Variants in NAV2 observed in about 807,000 individuals in gnomAD.
NAV2 encodes helicase, APC down-regulated 1.
Under a neutral mutation model 223.2 loss-of-function variants are expected in NAV2, and 54 were observed. The observed-to-expected ratio is 0.24, with a 90% CI of 0.19 to 0.30. NAV2 has a LOEUF of 0.30. Ranked by LOEUF, NAV2 falls within the 10% of genes least tolerant of loss-of-function variation. The pLI, the probability that NAV2 is intolerant of heterozygous loss-of-function variation, is 1.00. For synonymous variants in NAV2, 1,279 were observed against 1,239.3 expected (o/e 1.03, Z -0.67); for missense variants, 2,806 against 3,147.5 (o/e 0.89, Z 2.60).
chr11:19,429,393 T>C (rs1272110205), intron 1 of NAV2, among the ~76,000 whole-genome samples: 1 of 152,228 alleles, frequency 6.6e-6, no homozygotes, highest in Non-Finnish European at 1.5e-5. Flanking sequence ...ATACACTTCA[T>C]AGAAGAAAAA....
At chr11:19,411,854 T>A (rs1850160611) in intron 1 of NAV2, among the ~76,000 whole-genome samples, 1 of 152,108 alleles carries the variant, frequency 6.6e-6, no homozygotes, top group Non-Finnish European at 1.5e-5. Flanking sequence ...GGAGTAAATG[T>A]CCCCATTACT....
rs536130674 is a variant in NAV2, at chr11:20,009,813, C to T, written c.2768+25566C>T. ...CTTCCAATCTTTGCAGAGACATTCT[C>T]TTCATCCTCACCCCATCCCTTCAGG... On this transcript the variant is annotated intron_variant, in intron 11 of 37. Coordinates refer to ENST00000349880, the MANE Select transcript of NAV2 (RefSeq NM_145117.5). Among the ~76,000 whole-genome samples the T allele has an allele frequency of 1.1e-4, 16 of 152,272 alleles. No homozygotes were observed. In the Middle Eastern group the frequency reaches 0.01, roughly 97 times the overall value.
At chr11:19,697,206 T>G (rs555506613) in intron 1 of NAV2, among the ~76,000 whole-genome samples, 1 of 152,178 alleles carries the variant, frequency 6.6e-6, no homozygotes, top group Admixed American at 6.5e-5. Context: ...TGTTCTCACT[T>G]ATAAGAGGGA....
At chr11:19,903,240 A>G (rs544188767) in intron 6 of NAV2, among the ~76,000 whole-genome samples, 2 of 152,254 alleles carry the variant, frequency 1.3e-5, no homozygotes, top group South Asian at 2.1e-4. Flanking sequence ...TGGTCATGGT[A>G]TATCTACTTG....
rs79347321 is a variant in NAV2 at position 19,629,479 on chromosome 11, G to A, written c.76-203005G>A. ...AGCGACATTTTTCTTACGCACTTGC[G>A]CACACACACACACGTACAGACACAC... On this transcript the variant is annotated intron_variant, in intron 1 of 37. Coordinates refer to the NAV2 transcript ENST00000360655. Among the ~76,000 whole-genome samples, 1,072 of 151,206 alleles carry A rather than the reference G, an allele frequency of 7.1e-3. 16 individuals are homozygous for A. Among genetic ancestry groups the A allele is most frequent in the African/African-American group, 0.024 (1,004 of 41,174 alleles).
At chr11:19,351,181 T>A (rs1459511013) in intron 1 of NAV2, among the ~76,000 whole-genome samples, 2 of 152,190 alleles carry the variant, frequency 1.3e-5, no homozygotes, top group Non-Finnish European at 2.9e-5. Flanking sequence ...GTCTCGATGC[T>A]GGGTGTCTTG....
In NAV2 at chr11:19,713,577, G is replaced by T; in HGVS notation, c.-119G>T. 7.1e-7 allele frequency: 1 copy of T among 1,404,998 alleles called. No homozygotes were observed. The highest frequency in any genetic ancestry group is 9.3e-7 in the Non-Finnish European group (1 of 1,078,802). 87.0% of individuals were successfully genotyped at this position (1,404,998 alleles called of 1,614,324 possible). A position where few individuals can be genotyped will look rare whatever the true frequency, so the allele number is the denominator to read the frequency against. On this transcript the variant is annotated 5_prime_UTR_variant, in exon 1 of 38. Coordinates refer to ENST00000349880, the MANE Select transcript of NAV2 (RefSeq NM_145117.5). The surrounding 1 kb of genome is among the most constrained non-coding windows in gnomAD (Gnocchi z 7.2). Reference sequence around the variant, plus strand: ...CTGGGGATTTTTTTTTTAGCCGCTGGTGGTGGGCGCCTCGTGGGCTAAGGC... The same window carrying T: ...CTGGGGATTTTTTTTTTAGCCGCTGTTGGTGGGCGCCTCGTGGGCTAAGGC...
chr11:19,651,512 C>T (rs894347484), intron 1 of NAV2, among the ~76,000 whole-genome samples: 5 of 152,226 alleles, frequency 3.3e-5, no homozygotes, highest in African/African-American at 1.2e-4. Flanking sequence ...GAGGTGCCCA[C>T]ATCAGTGAGT....
intron 1 of NAV2, chr11:19,505,959 C>T (rs1292602583): frequency 6.6e-6 from 1 of 152,186 alleles, no homozygotes; most frequent in African/African-American, 2.4e-5. Flanking sequence ...CACAAACAGC[C>T]ATGGAGACAC....
chr11:19,491,992 AGATGGG>A (rs1404344975), intron 1 of NAV2, among the ~76,000 whole-genome samples: 2 of 151,340 alleles, frequency 1.3e-5, no homozygotes, highest in African/African-American at 4.9e-5. Flanking sequence ...AGAGAAAGAG[AGATGGG>A]GAAAGAGCCA....
intron 6 of NAV2, among the ~76,000 whole-genome samples, chr11:19,929,837 T>C (rs189659332): frequency 1.1e-4 from 16 of 152,312 alleles, no homozygotes; most frequent in Non-Finnish European, 2.4e-4. Context: ...GTCTCTGTCC[T>C]GGAGGAAATC....
At chr11:19,453,534 C>T (rs1283923357) in intron 1 of NAV2, among the ~76,000 whole-genome samples, 1 of 152,180 alleles carries the variant, frequency 6.6e-6, no homozygotes, top group Non-Finnish European at 1.5e-5. Context: ...GAATTTCTTC[C>T]CTAGACACCT....
chr11:19,451,714 C>T (rs1422373557), intron 1 of NAV2, among the ~76,000 whole-genome samples: 1 of 152,172 alleles, frequency 6.6e-6, no homozygotes, highest in African/African-American at 2.4e-5. Flanking sequence ...TGGGACTGAA[C>T]ATAAGTCTGA....
chr11:19,933,429 C>T lies in NAV2; in HGVS notation c.1185C>T (p.Pro395=), dbSNP rs780636827. The T allele has an allele frequency of 2.5e-6, 4 of 1,589,210 alleles. No homozygotes were observed. In the African/African-American group the frequency reaches 5.4e-5, roughly 22 times the overall value. Residue 395 remains proline, a synonymous_variant, in exon 7 of 38, where the codon CCC becomes CCT. Coordinates refer to ENST00000349880, the MANE Select transcript of NAV2 (RefSeq NM_145117.5). This position sits in a 1 kb window ranked among gnomAD's most constrained non-coding sequence, Gnocchi z 4.3. ...RPTPEAMKPA[P]NNQKSMLEKL... is the part of the protein sequence containing the mutation. ...CACCTGAAGCCATGAAGCCGGCCCC[C>T]AACAATCAGAAGTCCATGCTGGAAA...
At chr11:19,356,672 G>T (rs927307047) in intron 1 of NAV2, among the ~76,000 whole-genome samples, 1 of 152,160 alleles carries the variant, frequency 6.6e-6, no homozygotes, top group East Asian at 1.9e-4. Context: ...TGGCCTTTTG[G>T]GGGGCTGCAG....
At chr11:19,797,141 C>T (rs1265340945) in intron 1 of NAV2, among the ~76,000 whole-genome samples, 2 of 152,098 alleles carry the variant, frequency 1.3e-5, no homozygotes, top group Non-Finnish European at 2.9e-5. Flanking sequence ...AGAATGTGGG[C>T]CTGGTCGGCA....
At chr11:20,069,066 C>G (rs2059229265) in intron 22 of NAV2, among the ~76,000 whole-genome samples, 1 of 151,316 alleles carries the variant, frequency 6.6e-6, no homozygotes, top group Non-Finnish European at 1.5e-5. Flanking sequence ...CTAGCTCACT[C>G]TTGGTGGGGG....
intron 1 of NAV2, among the ~76,000 whole-genome samples, chr11:19,569,658 G>A (rs2045365530): frequency 1.3e-5 from 2 of 152,134 alleles, no homozygotes; most frequent in South Asian, 4.1e-4. Flanking sequence ...ATAGACCTCA[G>A]TAAATGAACG....
At chr11:19,674,969 G>A (rs1372926560) in intron 1 of NAV2, among the ~76,000 whole-genome samples, 1 of 152,136 alleles carries the variant, frequency 6.6e-6, no homozygotes, top group Non-Finnish European at 1.5e-5. Flanking sequence ...GGAAATCCAT[G>A]CAAAGAGCTC....
Sources: allele counts gnomAD v4.1 joint callset (sites outside exome capture counted in the v4.1 genomes callset), GRCh38; gene constraint gnomAD v4.1.1; non-coding constraint Gnocchi (gnomAD v3.1); transcripts MANE v1.5; gene names NCBI Gene and HGNC (gene_info 2026-07-23, HGNC 2026-07-21).